PSPC1: variants seen among roughly 807,000 people sequenced by gnomAD.
PSPC1 encodes paraspeckle protein 1.
In PSPC1, 14 loss-of-function variants were observed where a neutral mutation model predicts 51.6. That is an observed-to-expected ratio of 0.27 (90% CI 0.18 to 0.42). PSPC1 has a LOEUF of 0.42. PSPC1 is among the 10% of genes least tolerant of loss of function. The probability of loss-of-function intolerance (pLI) is 1.00; values close to 1 mark genes in which losing one functional copy is unlikely to be tolerated. For synonymous variants in PSPC1, 193 were observed against 231.9 expected, an observed-to-expected ratio of 0.83 and a Z score of 1.53; for missense variants, 406 against 701.1, an observed-to-expected ratio of 0.58 and a Z score of 4.75.
intron 6 of PSPC1, among the ~76,000 whole-genome samples, chr13:19,681,207 T>C (rs980640679): frequency 3.3e-5 from 5 of 152,096 alleles, no homozygotes; most frequent in Non-Finnish European, 5.9e-5. Flanking sequence ...AGAGTGACAC[T>C]CTATCTCTAA....
In PSPC1 at chr13:19,782,608, G is replaced by C. The variant is rs754921041; in HGVS notation, c.150C>G (p.Pro50=). ...ALAGEPAPPA[P]APPEDHPDEE... Reference sequence around the variant, plus strand: ...CGTCCGGGTGGTCCTCTGGAGGCGCGGGCGCGGGCGGTGCCGGCTCCCCGG... The same window carrying C: ...CGTCCGGGTGGTCCTCTGGAGGCGCCGGCGCGGGCGGTGCCGGCTCCCCGG... The change falls in exon 1 of 9, where the codon CCC becomes CCG. Residue 50 remains proline, a synonymous_variant. Transcript: ENST00000338910. This position sits in a 1 kb window ranked among gnomAD's most constrained non-coding sequence, Gnocchi z 4.5. 36 of 1,579,726 alleles carry C rather than the reference G, an allele frequency of 2.3e-5. No individual in the cohort carries two copies. The highest frequency in any genetic ancestry group is 4.9e-5 in the East Asian group (2 of 40,980).
chr13:19,677,481 A>G (rs1306083028), intron 7 of PSPC1, among the ~76,000 whole-genome samples: 1 of 152,200 alleles, frequency 6.6e-6, no homozygotes, highest in African/African-American at 2.4e-5. Flanking sequence ...CGAAGCTGAG[A>G]GTCCCCTCTA....
intron 6 of PSPC1, among the ~76,000 whole-genome samples, chr13:19,726,020 A>G (rs1293328073): frequency 1.3e-5 from 2 of 152,114 alleles, no homozygotes; most frequent in Non-Finnish European, 2.9e-5. Flanking sequence ...AGATGGGTAC[A>G]GCAGCATGCC....
intron 5 of PSPC1, among the ~76,000 whole-genome samples, chr13:19,735,910 C>T (rs1384289901): frequency 1.3e-5 from 2 of 152,078 alleles, no homozygotes; most frequent in African/African-American, 4.8e-5. Context: ...CAAGCTACGC[C>T]TCCTGGGTTC....
At chr13:19,726,513 C>T (rs1054457709) in intron 6 of PSPC1, among the ~76,000 whole-genome samples, 2 of 152,174 alleles carry the variant, frequency 1.3e-5, no homozygotes, top group African/African-American at 4.8e-5. Context: ...CAATGTATTA[C>T]AATCTACCTG....
Position 19,730,351 on chromosome 13 carries a change from A to G in PSPC1, c.1053-7T>C, listed in dbSNP as rs1282131071. ...CCGATGCTCCTCTTCATGTCTGAAA[A>G]TTTTTCAAATAAAAATTTCAGCATC... On this transcript the variant is annotated splice_region_variant and splice_polypyrimidine_tract_variant and intron_variant, in intron 5 of 8. Coordinates refer to ENST00000338910, the MANE Select transcript of PSPC1 (RefSeq NM_001354909.2). The G allele has an allele frequency of 3.7e-6, 6 of 1,612,768 alleles. No homozygotes were observed. The highest frequency in any genetic ancestry group is 1.3e-5 in the African/African-American group (1 of 74,740).
intron 1 of PSPC1, among the ~76,000 whole-genome samples, chr13:19,772,902 C>T (rs1810906260): frequency 2.6e-5 from 4 of 152,138 alleles, no homozygotes; most frequent in Admixed American, 2.6e-4. Flanking sequence ...TGGTTCACCC[C>T]TGTAATCCCA....
chr13:19,776,984 G>A (rs992936621), intron 1 of PSPC1, among the ~76,000 whole-genome samples: 1 of 148,942 alleles, frequency 6.7e-6, no homozygotes, highest in South Asian at 2.1e-4. Flanking sequence ...AAATCAGCCT[G>A]GGCTGGTGTC....
intron 4 of PSPC1, among the ~76,000 whole-genome samples, chr13:19,750,459 A>AATATAT (rs67130075): frequency 1.2e-3 from 172 of 148,522 alleles, no homozygotes; most frequent in African/African-American, 2.1e-3. Context: ...AACAAACAAA[A>AATATAT]ATATATATAT....
chr13:19,690,372 T>C (rs1004195798), intron 6 of PSPC1, among the ~76,000 whole-genome samples: 23 of 152,212 alleles, frequency 1.5e-4, no homozygotes, highest in African/African-American at 5.5e-4. Context: ...TAGAAGACCC[T>C]TCTGAGCATT....
rs150675113 is a variant in PSPC1, at chr13:19,706,025, C to A, written c.1217-194G>T. On this transcript the variant is annotated intron_variant, in intron 7 of 8. Coordinates refer to ENST00000338910, the MANE Select transcript of PSPC1 (RefSeq NM_001354909.2). ...TAGAATTAGAATTTTCATCCCCAAGCCAAACGTACATAAAATCAAGGAGGA... is the reference window on the plus strand; with the variant it reads ...TAGAATTAGAATTTTCATCCCCAAGACAAACGTACATAAAATCAAGGAGGA... Among the ~76,000 whole-genome samples the A allele has an allele frequency of 2.8e-4, 42 of 152,294 alleles. No individual in the cohort carries two copies. The East Asian group carries it at 8.1e-3, about 29-fold the overall frequency.
intron 6 of PSPC1, among the ~76,000 whole-genome samples, chr13:19,684,509 A>C (rs1425280173): frequency 2.6e-5 from 4 of 152,236 alleles, no homozygotes; most frequent in Non-Finnish European, 5.9e-5. Context: ...AATAATATTC[A>C]ATAGTTTATT....
At position 19,776,633 on chromosome 13, in the gene PSPC1, G is replaced by A. The variant is rs570161094; in HGVS notation, c.373-4090C>T. Among the ~76,000 whole-genome samples, 65 of 151,392 alleles carry A rather than the reference G, an allele frequency of 4.3e-4. 1 individual carries two copies. The South Asian group carries it at 8.4e-3, about 20-fold the overall frequency. On this transcript the variant is annotated intron_variant, in intron 1 of 8. Coordinates refer to ENST00000338910, the MANE Select transcript of PSPC1 (RefSeq NM_001354909.2). ...CGCCATTCTCCTGCCTCAGCCTCCC[G>A]GGTAGCTGGGACTACAGGTGCCTGC...
chr13:19,725,627 C>CA (rs34360156), intron 6 of PSPC1, among the ~76,000 whole-genome samples: 1 of 151,670 alleles, frequency 6.6e-6, no homozygotes, highest in Admixed American at 6.6e-5. Flanking sequence ...ACAAAACAAA[C>CA]AAAAAAAAGT....
intron 6 of PSPC1, among the ~76,000 whole-genome samples, chr13:19,694,929 A>T (rs903206991): frequency 6.6e-6 from 1 of 152,248 alleles, no homozygotes; most frequent in Non-Finnish European, 1.5e-5. Context: ...GCTACATGGT[A>T]AGATATTATT....
chr13:19,722,212 A>C (rs1304418555), intron 6 of PSPC1, among the ~76,000 whole-genome samples: 1 of 152,200 alleles, frequency 6.6e-6, no homozygotes, highest in Non-Finnish European at 1.5e-5. Context: ...TGAACATAAA[A>C]AGGACCAGGT....
intron 6 of PSPC1, among the ~76,000 whole-genome samples, chr13:19,692,145 AC>A (rs912206097): frequency 1.1e-4 from 17 of 152,120 alleles, no homozygotes; most frequent in African/African-American, 4.1e-4. Context: ...TATTTTTGAG[AC>A]AAAGTCTCAC....
intron 3 of PSPC1, 84 bp downstream of exon 3, chr13:19,759,239 C>T: frequency 2.0e-6 from 2 of 1,018,998 alleles, no homozygotes; most frequent in Non-Finnish European, 3.0e-6. Context: ...ATAAACAGAA[C>T]ACCTCATAAT....
chr13:19,770,812 T>C (rs901357421), intron 2 of PSPC1, among the ~76,000 whole-genome samples: 6 of 151,724 alleles, frequency 4.0e-5, no homozygotes, highest in African/African-American at 1.5e-4. Flanking sequence ...GGAAGGAGAA[T>C]TGCTTGAACC....
Sources: allele counts gnomAD v4.1 joint callset (sites outside exome capture counted in the v4.1 genomes callset), GRCh38; gene constraint gnomAD v4.1.1; non-coding constraint Gnocchi (gnomAD v3.1); transcripts MANE v1.5; gene names NCBI Gene and HGNC (gene_info 2026-07-23, HGNC 2026-07-21).